The following MRI1 variants were observed in gnomAD, a reference collection of about 807,000 sequenced individuals.
MRI1 encodes methylthioribose-1-phosphate isomerase.
MRI1 carries 32 observed loss-of-function variants against 27.3 expected under a neutral mutation model. The observed-to-expected ratio is 1.17, with a 90% confidence interval of 0.88 to 1.57. The LOEUF (loss-of-function observed/expected upper bound fraction) is 1.57. Ranked by LOEUF, MRI1 falls within the 40% of genes most tolerant of loss-of-function variation. The pLI, the probability that MRI1 is intolerant of heterozygous loss-of-function variation, is 0.00. For synonymous variants in MRI1, 216 were observed against 227.4 expected (o/e 0.95, Z 0.45); for missense variants, 508 against 516.1 (o/e 0.98, Z 0.15).
intron 3 of MRI1, 37 bp from the exon 4 acceptor site, chr19:13,768,524 C>T (rs773123758): frequency 2.5e-6 from 4 of 1,596,046 alleles, no homozygotes; most frequent in Non-Finnish European, 2.6e-6. Flanking sequence ...GTTTGCCCCT[C>T]CCCGGGGCCT....
chr19:13,764,593 C>G lies in MRI1; in HGVS notation c.5C>G (p.Thr2Ser), dbSNP rs1974063394. 6.2e-7 allele frequency: 1 copy of G among 1,608,682 alleles called. No individual in the cohort carries two copies. The highest frequency in any genetic ancestry group is 8.5e-7 in the Non-Finnish European group (1 of 1,178,890). M[T>S]LEAIRYSRGS... ...GCTGGGCTTGGCTGCTGCACCATGA[C>G]CCTGGAGGCGATCCGCTACTCGCGG... The change falls in exon 1 of 6, where the codon ACC becomes AGC. Residue 2 changes from threonine to serine, a missense_variant. Coordinates refer to ENST00000040663, the MANE Select transcript of MRI1 (RefSeq NM_001031727.4).
At position 13,764,942 on chromosome 19, in the gene MRI1, G is replaced by A; in HGVS notation, c.204G>A (p.Gly68=). 1 of 1,499,802 alleles carries A rather than the reference G, an allele frequency of 6.7e-7. No individual in the cohort carries two copies. The highest frequency in any genetic ancestry group is 8.9e-7 in the Non-Finnish European group (1 of 1,129,896). The allele number at this position is 1,499,802 out of a possible 1,614,324, so 92.9% of individuals were successfully genotyped here. ...SLAVELQAGA[G]GPGLAALVAF... is the part of the protein sequence containing the mutation. ...CCGTGGAGCTGCAGGCGGGCGCCGGGGGACCGGGACTCGCCGCGCTCGTGG... is the reference window on the plus strand; with the variant it reads ...CCGTGGAGCTGCAGGCGGGCGCCGGAGGACCGGGACTCGCCGCGCTCGTGG... The change falls in exon 2 of 6, where the codon GGG becomes GGA. Residue 68 remains glycine (G), a synonymous_variant. Coordinates refer to ENST00000040663, the MANE Select transcript of MRI1 (RefSeq NM_001031727.4).
Position 13,768,623 on chromosome 19 carries a change from C to T in MRI1, c.610C>T (p.Pro204Ser), listed in dbSNP as rs756561955. 1.2e-6 allele frequency: 2 copies of T among 1,613,338 alleles called. No homozygotes were observed. The highest frequency in any genetic ancestry group is 1.7e-6 in the Non-Finnish European group (2 of 1,179,828). ...GCATGCCTTCTGCACAGAGACCCGG[C>T]CCTACAACCAGGGAGCCCGGCTGAC... is the stretch of plus-strand genomic sequence containing the variant. ...LEHAFCTETR[P>S]YNQGARLTAF... Residue 204 changes from proline to serine, a missense_variant, in exon 4 of 6, where the codon CCC becomes TCC. Coordinates refer to ENST00000040663, the MANE Select transcript of MRI1 (RefSeq NM_001031727.4).
Position 13,773,972 on chromosome 19 carries a change from T to G in MRI1, c.*1691T>G, listed in dbSNP as rs1974327107. 1 of 154,876 alleles carries G rather than the reference T, an allele frequency of 6.5e-6. No individual in the cohort carries two copies. The highest frequency in any genetic ancestry group is 2.4e-5 in the African/African-American group (1 of 41,474). The allele number at this position is 154,876 out of a possible 1,614,324, so 9.6% of individuals were successfully genotyped here. On this transcript the variant is annotated 3_prime_UTR_variant, in exon 6 of 6. Coordinates refer to ENST00000040663, the MANE Select transcript of MRI1 (RefSeq NM_001031727.4). ...GGCCTAAATAAAATTTTGAAGAGGC[T>G]AGAACCCCGCACTTGTGCCTTGAGC... is the stretch of plus-strand genomic sequence containing the variant.
intron 3 of MRI1, chr19:13,768,271 C>G: frequency 2.7e-6 from 2 of 749,900 alleles, no homozygotes; most frequent in South Asian, 3.0e-5. Context: ...ATGCTAAGGA[C>G]AGAGAGCAGG....
Position 13,768,828 on chromosome 19 carries a change from G to A in MRI1, c.729G>A (p.Val243=). 1 of 1,604,458 alleles carries A rather than the reference G, an allele frequency of 6.2e-7. No individual in the cohort carries two copies. ...AAMAHRGVSA[V]VVGADRVVAN... ...TCTCATACGCCCCCTCCCCAGCTGT[G>A]GTCGTGGGAGCTGACCGCGTGGTTG... The change falls in exon 5 of 6, where the codon GTG becomes GTA. Residue 243 remains valine (V), a synonymous_variant. Transcript: ENST00000040663.
rs1974289615 is a variant in MRI1, at chr19:13,772,485, C to G, written c.*204C>G. On this transcript the variant is annotated 3_prime_UTR_variant, in exon 6 of 6. Transcript: ENST00000040663. The stretch of plus-strand genomic sequence containing the variant: ...TCCGCCACTTTTCCCACTGTATGAT[C>G]TTGGGCAAGTCACTTCACCTCTCTG... 2.0e-6 allele frequency: 1 copy of G among 509,006 alleles called. No homozygotes were observed. The highest frequency in any genetic ancestry group is 3.3e-5 in the East Asian group (1 of 29,948). The allele number at this position is 509,006 out of a possible 1,614,324, so 31.5% of individuals were successfully genotyped here.
chr19:13,765,027 G>A lies in MRI1; in HGVS notation c.289G>A (p.Ala97Thr). The A allele has an allele frequency of 1.3e-6, 2 of 1,524,440 alleles. No homozygotes were observed. Among genetic ancestry groups the A allele is most frequent in the Non-Finnish European group, 1.8e-6 (2 of 1,141,062 alleles). 94.4% of individuals were successfully genotyped at this position (1,524,440 alleles called of 1,614,324 possible). ...VTARPTAVNM[A>T]RAARDLADVA... ...CGCCCGGCCCACCGCTGTCAACATG[G>A]CCCGCGCCGCCCGCGACCTGGCTGA... The change falls in exon 2 of 6, where the codon GCC becomes ACC. Residue 97 changes from alanine to threonine, a missense_variant. By Grantham distance (58) the Ala-to-Thr change is moderately conservative (BLOSUM62 0). Transcript: ENST00000040663.
intron 3 of MRI1, among the ~76,000 whole-genome samples, chr19:13,766,588 G>A (rs747868905): frequency 8.5e-5 from 13 of 152,120 alleles, no homozygotes; most frequent in Non-Finnish European, 1.6e-4. Flanking sequence ...TTAGGTAGCT[G>A]TGACCAGGAG....
rs1295273667 is a variant in MRI1, at chr19:13,765,015, G to T, written c.277G>T (p.Ala93Ser). The change falls in exon 2 of 6, where the codon GCT (alanine) becomes TCT (serine). Residue 93 changes from alanine (A) to serine (S), a missense_variant. Around this residue, in one of 3 missense-constraint regions of MRI1, gnomAD observed 457 missense variants for 452.8 expected, o/e 1.01. Transcript: ENST00000040663. Reference sequence around the variant, plus strand: ...CTTCCTCGTCACCGCCCGGCCCACCGCTGTCAACATGGCCCGCGCCGCCCG... The same window carrying T: ...CTTCCTCGTCACCGCCCGGCCCACCTCTGTCAACATGGCCCGCGCCGCCCG... Reference protein sequence around the residue: ...LSFLVTARPTAVNMARAARDL... With the variant: ...LSFLVTARPTSVNMARAARDL... 1 of 1,525,218 alleles carries T rather than the reference G, an allele frequency of 6.6e-7. No homozygotes were observed. Among genetic ancestry groups the T allele is most frequent in the Admixed American group, 2.0e-5 (1 of 50,036 alleles). The allele number at this position is 1,525,218 out of a possible 1,614,324, so 94.5% of individuals were successfully genotyped here.
intron 2 of MRI1, 97 bp downstream of exon 2, chr19:13,765,206 C>T (rs1974095708): frequency 8.6e-6 from 9 of 1,052,090 alleles, no homozygotes; most frequent in Middle Eastern, 2.4e-4. Context: ...AACTGAGGCA[C>T]GGCGACCTTA....
At position 13,764,896 on chromosome 19, in the gene MRI1, T is replaced by A. The variant is rs1974081679; in HGVS notation, c.158T>A (p.Leu53Gln). The change falls in exon 2 of 6, where the codon CTG becomes CAG. Residue 53 changes from leucine to glutamine, a missense_variant. Leu to Gln is a moderately radical substitution (Grantham distance 113). This residue lies in a region of MRI1 where 457 missense variants were observed against 452.8 expected (regional missense o/e 1.01). Coordinates refer to ENST00000040663, the MANE Select transcript of MRI1 (RefSeq NM_001031727.4). ...MKVRGAPAIALVGCLSLAVEL... is the reference protein window; with the variant it reads ...MKVRGAPAIAQVGCLSLAVEL... ...GTGCGGGGCGCCCCGGCCATAGCCC[T>A]GGTGGGCTGTCTCAGCCTCGCCGTG... 1 of 1,445,266 alleles carries A rather than the reference T, an allele frequency of 6.9e-7. No individual in the cohort carries two copies. The highest frequency in any genetic ancestry group is 2.9e-5 in the East Asian group (1 of 34,184). 89.5% of individuals were successfully genotyped at this position (1,445,266 alleles called of 1,614,324 possible). A position where few individuals can be genotyped will look rare whatever the true frequency, so the allele number is the denominator to read the frequency against.
rs1397362080 is a variant in MRI1 at position 13,770,126 on chromosome 19, C to A, written c.949+1078C>A. Among the ~76,000 whole-genome samples the A allele has an allele frequency of 5.3e-5, 8 of 152,118 alleles. No individual in the cohort carries two copies. In the East Asian group the frequency reaches 1.5e-3, roughly 29 times the overall value. Reference sequence around the variant, plus strand: ...GCAAGACTTTTCTTAGCTGCCTATACTTCCTGGCTGTGCAACCGTTAGCAA... The same window carrying A: ...GCAAGACTTTTCTTAGCTGCCTATAATTCCTGGCTGTGCAACCGTTAGCAA... On this transcript the variant is annotated intron_variant, in intron 5 of 5. Transcript: ENST00000040663.
At chr19:13,767,039 T>TATATATATATATA (rs1974150355) in intron 3 of MRI1, among the ~76,000 whole-genome samples, 1 of 30,148 alleles carries the variant, frequency 3.3e-5, no homozygotes, top group African/African-American at 2.3e-4. Context: ...ATATATATAT[T>TATATATATATATA]TTTTTTTTTT....
chr19:13,767,027 ATATATATATATTTTTTTTTTTTTT>A (rs1262404790), intron 3 of MRI1, among the ~76,000 whole-genome samples: 26 of 17,552 alleles, frequency 1.5e-3, no homozygotes, highest in African/African-American at 5.4e-3. Flanking sequence ...ATATATATAT[ATATATATATATTTTTTTTTTTTTT>A]TTTTTTTTTT....
chr19:13,765,038 C>T lies in MRI1; in HGVS notation c.300C>T (p.Ala100=). 6.6e-7 allele frequency: 1 copy of T among 1,525,714 alleles called. No individual in the cohort carries two copies. Among genetic ancestry groups the T allele is most frequent in the Non-Finnish European group, 8.8e-7 (1 of 1,141,572 alleles). The allele number at this position is 1,525,714 out of a possible 1,614,324, so 94.5% of individuals were successfully genotyped here. A position where few individuals can be genotyped will look rare whatever the true frequency, so the allele number is the denominator to read the frequency against. ...CCGCTGTCAACATGGCCCGCGCCGC[C>T]CGCGACCTGGCTGATGTTGCAGCCC... ...RPTAVNMARA[A]RDLADVAARE... Residue 100 remains alanine (A), a synonymous_variant, in exon 2 of 6, where the codon GCC becomes GCT. Transcript: ENST00000040663.
At chr19:13,769,840 A>T (rs573353469) in intron 5 of MRI1, among the ~76,000 whole-genome samples, 8 of 152,134 alleles carry the variant, frequency 5.3e-5, no homozygotes, top group African/African-American at 1.9e-4. Flanking sequence ...GAATCACTTG[A>T]ACCTGAGAGG....
intron 5 of MRI1, among the ~76,000 whole-genome samples, chr19:13,770,988 A>T (rs1472923547): frequency 6.6e-6 from 1 of 152,074 alleles, no homozygotes; most frequent in Non-Finnish European, 1.5e-5. Flanking sequence ...GTATTTTGGG[A>T]GGCTGAGGTG....
At position 13,769,018 on chromosome 19, in the gene MRI1, G is replaced by A. The variant is rs143025796; in HGVS notation, c.919G>A (p.Asp307Asn). The change falls in exon 5 of 6, where the codon GAT becomes AAT. Residue 307 changes from aspartate to asparagine, a missense_variant. By Grantham distance (23) the Asp-to-Asn change is conservative. Transcript: ENST00000040663. ...IEERPGQELT[D>N]VNGVRIAAPG... ...AGAGCGACCGGGCCAGGAGCTGACC[G>A]ATGTTAATGGGGTCCGGATTGCAGC... 304 of 1,613,104 alleles carry A rather than the reference G, an allele frequency of 1.9e-4. No individual in the cohort carries two copies. Among genetic ancestry groups the A allele is most frequent in the Middle Eastern group, 3.3e-4 (2 of 6,058 alleles).
Sources: gnomAD v4.1 joint callset for allele counts (sites outside exome capture counted in the v4.1 genomes callset) on GRCh38, gnomAD v4.1.1 for gene constraint, gnomAD v4.1.1 regional missense constraint, MANE v1.5 for transcripts, NCBI Gene and HGNC (gene_info 2026-07-23, HGNC 2026-07-21) for gene names.